Variants in ABCA1 observed in about 807,000 individuals in gnomAD.
ABCA1 encodes the protein phospholipid-transporting ATPase ABCA1.
A neutral mutation model predicts 262.5 loss-of-function variants in ABCA1; 133 were observed. That is an observed-to-expected ratio of 0.51 (90% confidence interval 0.44 to 0.59). ABCA1 has a LOEUF of 0.59. Among genes scored for constraint, ABCA1 ranks in the 20% least tolerant of loss-of-function variants. The pLI is 0.00. For synonymous variants in ABCA1, 1,022 were observed against 1,043.5 expected (o/e 0.98, Z 0.40); for missense variants, 2,452 against 2,777.5 (o/e 0.88, Z 2.63).
chr9:104,917,144 T>G (rs13291117), intron 1 of ABCA1, among the ~76,000 whole-genome samples: 14,687 of 152,224 alleles, frequency 0.096, 817 homozygotes, highest in African/African-American at 0.15. Flanking sequence ...TTCAGCCAAG[T>G]GGGAAAAGCA....
rs779300353 is a variant in ABCA1 at position 104,784,305 on chromosome 9, AC to A, written c.*9del. 1.4e-5 allele frequency: 23 copies of A among 1,613,942 alleles called. No homozygotes were observed. The highest frequency in any genetic ancestry group is 5.0e-5 in the Admixed American group (3 of 60,006). On this transcript the variant is annotated 3_prime_UTR_variant, in exon 50 of 50. Coordinates refer to ENST00000374736, the MANE Select transcript of ABCA1 (RefSeq NM_005502.4). ...CTTTACTTTCAGCCACCCCGTATGAACAGGATTCTTCATACATAGCTTTCTT... is the reference window on the plus strand; with the variant it reads ...CTTTACTTTCAGCCACCCCGTATGAAAGGATTCTTCATACATAGCTTTCTT...
At chr9:104,802,275 GC>G (rs1358582947) in intron 33 of ABCA1, 116 bp from the exon 34 acceptor site, 24 of 902,804 alleles carry the variant, frequency 2.7e-5, no homozygotes, top group Non-Finnish European at 3.5e-5. Flanking sequence ...TCAAAGGAGG[GC>G]TAAATTTTGC....
intron 1 of ABCA1, among the ~76,000 whole-genome samples, chr9:104,911,642 CT>C (rs1382856005): frequency 2.6e-5 from 4 of 152,070 alleles, no homozygotes; most frequent in Non-Finnish European, 4.4e-5. Flanking sequence ...TAAGGGTATC[CT>C]TGCTAGGACA....
Position 104,814,016 on chromosome 9 carries a change from C to G in ABCA1, c.3901+102G>C. ...ACTTCTCTTTGGACTCTGTAGGGAT[C>G]TATCACCTTGGCTAAAGGCCATCCA... On this transcript the variant is annotated intron_variant, in intron 27 of 49. Transcript: ENST00000374736. The G allele has an allele frequency of 5.0e-6, 6 of 1,188,520 alleles. No individual in the cohort carries two copies. In the South Asian group the frequency reaches 7.5e-5, roughly 15 times the overall value. The allele number at this position is 1,188,520 out of a possible 1,614,324, so 73.6% of individuals were successfully genotyped here. A position where few individuals can be genotyped will look rare whatever the true frequency, so the allele number is the denominator to read the frequency against.
chr9:104,857,490 C>T (rs1020508871), intron 7 of ABCA1, among the ~76,000 whole-genome samples: 3 of 152,102 alleles, frequency 2.0e-5, no homozygotes, highest in Admixed American at 6.5e-5. Context: ...CCGTGGCATC[C>T]GAAAGTGGTG....
intron 1 of ABCA1, among the ~76,000 whole-genome samples, chr9:104,926,156 T>G (rs1446660843): frequency 6.6e-6 from 1 of 152,206 alleles, no homozygotes; most frequent in Non-Finnish European, 1.5e-5. Context: ...AAGGTTTTTT[T>G]AAATATGAAA....
At chr9:104,831,209 C>A in intron 13 of ABCA1, 108 bp from the exon 14 acceptor site, 23 of 1,029,586 alleles carry the variant, frequency 2.2e-5, no homozygotes, top group Non-Finnish European at 2.7e-5. Context: ...GCCCCTTTTT[C>A]TATTTTTGTA....
At chr9:104,798,653 A>C in intron 36 of ABCA1, 55 bp from the exon 37 acceptor site, 2 of 1,506,962 alleles carry the variant, frequency 1.3e-6, no homozygotes, top group Non-Finnish European at 1.8e-6. Context: ...GTTAGGGCTC[A>C]ATCAGTGAGG....
chr9:104,923,708 A>G (rs1842271424), intron 1 of ABCA1, among the ~76,000 whole-genome samples: 1 of 152,192 alleles, frequency 6.6e-6, no homozygotes, highest in African/African-American at 2.4e-5. Flanking sequence ...TTAATCTTGT[A>G]AACTAGGGAC....
At chr9:104,861,046 A>G (rs1236124278) in intron 6 of ABCA1, among the ~76,000 whole-genome samples, 4 of 152,142 alleles carry the variant, frequency 2.6e-5, no homozygotes, top group African/African-American at 9.7e-5. Flanking sequence ...GTGGGATTAC[A>G]GACCTTTGAA....
intron 7 of ABCA1, chr9:104,855,237 C>G (rs1022396187): frequency 1.1e-6 from 1 of 873,846 alleles, no homozygotes; most frequent in African/African-American, 1.8e-5. Context: ...CACTCTGTCA[C>G]GCTGGCTGGA....
chr9:104,841,527 G>A (rs371102792), intron 8 of ABCA1, among the ~76,000 whole-genome samples: 3 of 152,140 alleles, frequency 2.0e-5, no homozygotes, highest in East Asian at 3.8e-4. Context: ...GAAAAGTCAC[G>A]TCATGTCTCT....
chr9:104,871,009 G>A (rs1837558083), intron 5 of ABCA1, among the ~76,000 whole-genome samples: 1 of 152,186 alleles, frequency 6.6e-6, no homozygotes, highest in African/African-American at 2.4e-5. Context: ...CACTTCTTTT[G>A]TGATTCTTCA....
chr9:104,817,863 T>C lies in ABCA1; in HGVS notation c.3463-459A>G, dbSNP rs773707829. ...TCCCAAGTGATCCTGATGCTGCTGG[T>C]CCTCAGACTGCACTTGAGTTAAGAG... On this transcript the variant is annotated intron_variant, in intron 23 of 49. Coordinates refer to ENST00000374736, the MANE Select transcript of ABCA1 (RefSeq NM_005502.4). The surrounding 1 kb of genome is among the most constrained non-coding windows in gnomAD (Gnocchi z 4.7). 1.3e-5 allele frequency among the ~76,000 whole-genome samples: 2 copies of C among 152,236 alleles called. No individual in the cohort carries two copies. Among genetic ancestry groups the C allele is most frequent in the African/African-American group, 4.8e-5 (2 of 41,466 alleles).
At chr9:104,810,141 C>CATATATATATATAT (rs35876406) in intron 29 of ABCA1, among the ~76,000 whole-genome samples, 20 of 126,852 alleles carry the variant, frequency 1.6e-4, no homozygotes, top group East Asian at 9.5e-4. Flanking sequence ...ATTCACATTA[C>CATATATATATATAT]ATATATATAT....
At chr9:104,785,327 A>C (rs1435286830) in intron 49 of ABCA1, 69 bp downstream of exon 49, 16 of 1,596,844 alleles carry the variant, frequency 1.0e-5, no homozygotes, top group Non-Finnish European at 1.4e-5. Context: ...TCTTGGACCT[A>C]TGGGCGGGAG....
chr9:104,905,467 C>T (rs1841052147), intron 1 of ABCA1, among the ~76,000 whole-genome samples: 1 of 152,194 alleles, frequency 6.6e-6, no homozygotes, highest in South Asian at 2.1e-4. Flanking sequence ...TCCAATAAAT[C>T]AAGAAATTCT....
At chr9:104,831,895 C>T in intron 12 of ABCA1, 68 bp from the exon 13 acceptor site, 1 of 1,432,412 alleles carries the variant, frequency 7.0e-7, no homozygotes, top group South Asian at 1.1e-5. Flanking sequence ...GAGACAAATC[C>T]TACACTAGGA....
At chr9:104,919,494 C>T (rs984771887) in intron 1 of ABCA1, among the ~76,000 whole-genome samples, 1 of 152,126 alleles carries the variant, frequency 6.6e-6, no homozygotes, top group African/African-American at 2.4e-5. Context: ...CGCCTGTAGT[C>T]CCAGCTACTC....
Sources: gnomAD v4.1 joint callset for allele counts (sites outside exome capture counted in the v4.1 genomes callset) on GRCh38, gnomAD v4.1.1 for gene constraint, Gnocchi (gnomAD v3.1) non-coding constraint, MANE v1.5 for transcripts, NCBI Gene and HGNC (gene_info 2026-07-23, HGNC 2026-07-21) for gene names.